The following HDAC4 variants were observed in gnomAD, a reference collection of about 807,000 sequenced individuals.
HDAC4 encodes the protein histone deacetylase 4.
In HDAC4, 16 loss-of-function variants were observed where a neutral mutation model predicts 135.1. The ratio of observed to expected loss-of-function variants is 0.12; its 90% CI spans 0.08 to 0.18. The LOEUF (loss-of-function observed/expected upper bound fraction) is 0.18. Ranked by LOEUF, HDAC4 falls within the 10% of genes least tolerant of loss-of-function variation. HDAC4 has a pLI of 1.00. For missense variants in HDAC4, 1,143 were observed against 1,511.8 expected (o/e 0.76, Z 4.05); for synonymous variants, 685 against 653.4 (o/e 1.05, Z -0.74).
intron 2 of HDAC4, among the ~76,000 whole-genome samples, chr2:239,347,804 C>A: frequency 1.3e-5 from 2 of 152,300 alleles, no homozygotes; most frequent in South Asian, 2.1e-4. Flanking sequence ...TTTGAGCCAC[C>A]GCACCCGGCC....
intron 1 of HDAC4, among the ~76,000 whole-genome samples, chr2:239,391,968 G>A (rs1361151123): frequency 6.6e-6 from 1 of 152,204 alleles, no homozygotes; most frequent in Non-Finnish European, 1.5e-5. Context: ...TTCAGGGAGG[G>A]ACCGCGGGAA....
chr2:239,229,721 T>A (rs2047432347), intron 3 of HDAC4, among the ~76,000 whole-genome samples: 2 of 152,210 alleles, frequency 1.3e-5, no homozygotes, highest in Non-Finnish European at 2.9e-5. Context: ...GTTTTCTGAC[T>A]GAAGAGTTGA....
chr2:239,244,675 G>A (rs2048370441), intron 2 of HDAC4, among the ~76,000 whole-genome samples: 1 of 152,140 alleles, frequency 6.6e-6, no homozygotes, highest in Non-Finnish European at 1.5e-5. Context: ...ATTCCCCCTA[G>A]GTCCTTCCCC....
chr2:239,059,316 T>C (rs996819776), intron 24 of HDAC4, among the ~76,000 whole-genome samples: 1 of 151,962 alleles, frequency 6.6e-6, no homozygotes, highest in Non-Finnish European at 1.5e-5. Flanking sequence ...AGAAGATAGA[T>C]GGGAAAGCAG....
intron 20 of HDAC4, among the ~76,000 whole-genome samples, chr2:239,083,789 G>A (rs1034441948): frequency 3.9e-4 from 60 of 152,272 alleles, no homozygotes; most frequent in African/African-American, 1.3e-3. Context: ...GCAGACTGCC[G>A]CCTTCGACCA....
chr2:239,238,981 A>G (rs1389387969), intron 2 of HDAC4, among the ~76,000 whole-genome samples: 2 of 152,216 alleles, frequency 1.3e-5, no homozygotes, highest in Non-Finnish European at 2.9e-5. Flanking sequence ...ATGCCGTTCG[A>G]TAACAGCATG....
At position 239,307,785 on chromosome 2, in the gene HDAC4, T is replaced by C. The variant is rs1394038039; in HGVS notation, c.22+44893A>G. ...AAATGGAATGAGGATGTCGGAGTGT[T>C]TCGTGCTTTCTTTCCAGAGGGTTTC... On this transcript the variant is annotated intron_variant, in intron 2 of 26. Transcript: ENST00000543185. This position sits in a 1 kb window ranked among gnomAD's most constrained non-coding sequence, Gnocchi z 4.8. Among the ~76,000 whole-genome samples the C allele has an allele frequency of 1.3e-5, 2 of 152,120 alleles. No homozygotes were observed. The highest frequency in any genetic ancestry group is 1.3e-4 in the Admixed American group (2 of 15,276).
At chr2:239,238,417 G>A (rs1159092867) in intron 2 of HDAC4, among the ~76,000 whole-genome samples, 1 of 152,154 alleles carries the variant, frequency 6.6e-6, no homozygotes, top group Non-Finnish European at 1.5e-5. Flanking sequence ...CCAATGGGAA[G>A]GGGTCAAGAG....
intron 7 of HDAC4, among the ~76,000 whole-genome samples, chr2:239,152,276 C>A: frequency 6.6e-6 from 1 of 152,114 alleles, no homozygotes; most frequent in East Asian, 1.9e-4. Context: ...AAAGATCCAG[C>A]GTCCTATGTC....
intron 1 of HDAC4, among the ~76,000 whole-genome samples, chr2:239,355,577 A>G (rs537882249): frequency 2.6e-5 from 4 of 152,336 alleles, no homozygotes; most frequent in Admixed American, 2.6e-4. Flanking sequence ...TTCTAGCCAA[A>G]GCCTTTTGAA....
chr2:239,315,564 G>A (rs918355584), intron 2 of HDAC4, among the ~76,000 whole-genome samples: 2 of 152,254 alleles, frequency 1.3e-5, no homozygotes, highest in African/African-American at 4.8e-5. Context: ...CCATCAACCC[G>A]GCAGACCAGG....
chr2:239,190,754 C>T (rs1040924082), intron 3 of HDAC4, among the ~76,000 whole-genome samples: 1 of 152,246 alleles, frequency 6.6e-6, no homozygotes, highest in Non-Finnish European at 1.5e-5. Context: ...AATGGATTTT[C>T]TGCCCTGTAC....
At chr2:239,279,056 C>A (rs1476653317) in intron 2 of HDAC4, among the ~76,000 whole-genome samples, 1 of 152,236 alleles carries the variant, frequency 6.6e-6, no homozygotes, top group Non-Finnish European at 1.5e-5. Context: ...TGGGGCCACA[C>A]CCTGCCCCAG....
chr2:239,241,787 C>T (rs2048188182), intron 2 of HDAC4, among the ~76,000 whole-genome samples: 1 of 152,128 alleles, frequency 6.6e-6, no homozygotes, highest in Non-Finnish European at 1.5e-5. Context: ...AGCCAAATGT[C>T]CCCTCAGTGT....
chr2:239,063,852 G>A (rs969071314), intron 24 of HDAC4, among the ~76,000 whole-genome samples: 14 of 152,226 alleles, frequency 9.2e-5, no homozygotes, highest in African/African-American at 3.4e-4. Context: ...TTCCCTGACC[G>A]CCAGCTCCCT....
At chr2:239,366,014 C>T (rs1205925924) in intron 1 of HDAC4, among the ~76,000 whole-genome samples, 1 of 150,476 alleles carries the variant, frequency 6.6e-6, no homozygotes, top group Non-Finnish European at 1.5e-5. Context: ...TGGACACACA[C>T]AAACACGCAT....
At chr2:239,181,725 C>T (rs1243499123) in intron 4 of HDAC4, among the ~76,000 whole-genome samples, 3 of 152,188 alleles carry the variant, frequency 2.0e-5, no homozygotes, top group African/African-American at 7.2e-5. Context: ...TTGCTGCCAG[C>T]GCACTTGCAC....
chr2:239,209,910 G>A (rs1248346330), intron 3 of HDAC4, among the ~76,000 whole-genome samples: 2 of 152,188 alleles, frequency 1.3e-5, no homozygotes, highest in Non-Finnish European at 2.9e-5. Flanking sequence ...TAGTGAGGGC[G>A]GAAAGGCAAA....
intron 2 of HDAC4, among the ~76,000 whole-genome samples, chr2:239,325,023 C>T (rs1462801494): frequency 6.6e-6 from 1 of 152,212 alleles, no homozygotes; most frequent in Non-Finnish European, 1.5e-5. Context: ...TGGTGCTGGA[C>T]CATCAAATTG....
Sources: gnomAD v4.1 joint callset for allele counts (sites outside exome capture counted in the v4.1 genomes callset) on GRCh38, gnomAD v4.1.1 for gene constraint, Gnocchi (gnomAD v3.1) non-coding constraint, MANE v1.5 for transcripts, NCBI Gene and HGNC (gene_info 2026-07-23, HGNC 2026-07-21) for gene names.